SKIL: variants seen among roughly 807,000 people sequenced by gnomAD.
SKIL encodes SKI like proto-oncogene.
Under a neutral mutation model 69.6 loss-of-function variants are expected in SKIL, and 20 were observed. That is an observed-to-expected ratio of 0.29 (90% CI 0.20 to 0.42). The LOEUF (loss-of-function observed/expected upper bound fraction) is 0.42. Ranked by LOEUF, SKIL falls within the 10% of genes least tolerant of loss-of-function variation. The pLI is 1.00. For synonymous variants in SKIL, 310 were observed against 279.9 expected (o/e 1.11, Z -1.08); for missense variants, 745 against 783.1 (o/e 0.95, Z 0.58).
At chr3:170,378,541 C>T (rs573219665) in intron 2 of SKIL, among the ~76,000 whole-genome samples, 1 of 89,024 alleles carries the variant, frequency 1.1e-5, no homozygotes, top group African/African-American at 3.3e-5. Flanking sequence ...GAATTGGACT[C>T]TCTCTCTCTC....
intron 4 of SKIL, among the ~76,000 whole-genome samples, chr3:170,387,805 G>T (rs1386944502): frequency 8.0e-4 from 110 of 138,282 alleles, no homozygotes; most frequent in South Asian, 1.6e-3. Context: ...GTAGTGGCGG[G>T]CGCCTGTAGT....
chr3:170,392,427 A>G lies in SKIL; in HGVS notation c.*10A>G, dbSNP rs1322840403. ...GACTGCTAAAGAATAGAAACTGTTA[A>G]AGAGATTCATCTGTGTATTACTGAC... On this transcript the variant is annotated 3_prime_UTR_variant, in exon 7 of 7. Coordinates refer to ENST00000259119, the MANE Select transcript of SKIL (RefSeq NM_005414.5). 1 of 1,593,090 alleles carries G rather than the reference A, an allele frequency of 6.3e-7. No homozygotes were observed. The highest frequency in any genetic ancestry group is 8.6e-7 in the Non-Finnish European group (1 of 1,167,676).
intron 5 of SKIL, 40 bp from the exon 6 acceptor site, chr3:170,390,996 A>T (rs1261826165): frequency 1.8e-6 from 2 of 1,135,704 alleles, no homozygotes; most frequent in Admixed American, 4.4e-5. Context: ...AACATGGTGA[A>T]AATAAAGTAA....
intron 2 of SKIL, among the ~76,000 whole-genome samples, chr3:170,375,188 T>A (rs893640185): frequency 4.6e-5 from 7 of 152,356 alleles, no homozygotes; most frequent in African/African-American, 1.7e-4. Flanking sequence ...GGGACTATGC[T>A]AGGTGATCTT....
At chr3:170,366,629 C>CA (rs1736526553) in intron 2 of SKIL, among the ~76,000 whole-genome samples, 1 of 151,970 alleles carries the variant, frequency 6.6e-6, no homozygotes, top group African/African-American at 2.4e-5. Context: ...GCCGAGTTCA[C>CA]ACTGCCCTTC....
In SKIL at chr3:170,361,345, A is replaced by G; in HGVS notation, c.1014A>G (p.Thr338=). ...YLHVNQKYLG[T]PEEKKLKIIL... is the part of the protein sequence containing the mutation. ...ATGTGAACCAAAAATACTTAGGAAC[A>G]CCTGAAGAAAAGAAACTGAAGATAA... Residue 338 remains threonine, a synonymous_variant, in exon 2 of 7, where the codon ACA becomes ACG. Transcript: ENST00000259119. The G allele has an allele frequency of 6.2e-7, 1 of 1,611,204 alleles. No individual in the cohort carries two copies. Among genetic ancestry groups the G allele is most frequent in the Non-Finnish European group, 8.5e-7 (1 of 1,179,248 alleles).
intron 2 of SKIL, among the ~76,000 whole-genome samples, chr3:170,361,941 T>C (rs891182173): frequency 1.3e-5 from 2 of 152,146 alleles, no homozygotes; most frequent in East Asian, 3.8e-4. Flanking sequence ...CCACTACATC[T>C]GTTGTTTTTC....
intron 2 of SKIL, among the ~76,000 whole-genome samples, chr3:170,369,275 A>T (rs1736682891): frequency 6.9e-6 from 1 of 144,896 alleles, no homozygotes; most frequent in Non-Finnish European, 1.6e-5. Flanking sequence ...TAAAGAAGAA[A>T]AACAAAAAAG....
chr3:170,373,976 T>C (rs2108205086), intron 2 of SKIL, among the ~76,000 whole-genome samples: 1 of 152,346 alleles, frequency 6.6e-6, no homozygotes, highest in East Asian at 1.9e-4. Flanking sequence ...ATAGCTTTTG[T>C]ATTTAGAAAG....
chr3:170,363,344 A>G (rs1041216488), intron 2 of SKIL, among the ~76,000 whole-genome samples: 4 of 152,180 alleles, frequency 2.6e-5, no homozygotes, highest in Non-Finnish European at 5.9e-5. Flanking sequence ...GTAGTTTAAG[A>G]CATTGGTTAA....
chr3:170,385,359 TG>T, intron 4 of SKIL, among the ~76,000 whole-genome samples: 1 of 151,812 alleles, frequency 6.6e-6, no homozygotes, highest in Non-Finnish European at 1.5e-5. Flanking sequence ...CTCAAAGTGT[TG>T]GGATTACAGT....
In SKIL at chr3:170,394,386, T is replaced by C. The variant is rs1738090126; in HGVS notation, c.*1969T>C. 1 of 152,188 alleles carries C rather than the reference T, an allele frequency of 6.6e-6. No individual in the cohort carries two copies. Among genetic ancestry groups the C allele is most frequent in the African/African-American group, 2.4e-5 (1 of 41,462 alleles). The allele number at this position is 152,188 out of a possible 1,614,324, so 9.4% of individuals were successfully genotyped here. On this transcript the variant is annotated 3_prime_UTR_variant, in exon 7 of 7. Coordinates refer to ENST00000259119, the MANE Select transcript of SKIL (RefSeq NM_005414.5). The stretch of plus-strand genomic sequence containing the variant: ...AAATCAGATATTTATGATATAGTTT[T>C]ATTTTAATTTTGAATTATTTGTGTC...
chr3:170,384,729 G>A lies in SKIL; in HGVS notation c.1393G>A (p.Asp465Asn). ...DVSLEEQEKM[D>N]LKTSRELCSR... ...CTCACTTGAGGAACAGGAGAAAATG[G>A]ATTTAAAAACAAGTAGAGAATTATG... is the stretch of plus-strand genomic sequence containing the variant. Residue 465 changes from aspartate to asparagine, a missense_variant, in exon 4 of 7, where the codon GAT (aspartate) becomes AAT (asparagine). Physicochemically the swap from Asp to Asn is conservative, Grantham distance 23 (BLOSUM62 1). Transcript: ENST00000259119. 6.2e-7 allele frequency: 1 copy of A among 1,606,510 alleles called. No homozygotes were observed. The highest frequency in any genetic ancestry group is 8.5e-7 in the Non-Finnish European group (1 of 1,174,918).
chr3:170,393,703 T>C lies in SKIL; in HGVS notation c.*1286T>C, dbSNP rs1377312583. ...TTTTAAAGGGAGTTTCCTGAAACTA[T>C]CATTAATTGACATTATTACCCCATG... On this transcript the variant is annotated 3_prime_UTR_variant, in exon 7 of 7. Transcript: ENST00000259119. 6.6e-6 allele frequency: 1 copy of C among 152,142 alleles called. No homozygotes were observed. The highest frequency in any genetic ancestry group is 1.5e-5 in the Non-Finnish European group (1 of 67,992). The allele number at this position is 152,142 out of a possible 1,614,324, so 9.4% of individuals were successfully genotyped here. A position where few individuals can be genotyped will look rare whatever the true frequency, so the allele number is the denominator to read the frequency against.
At chr3:170,375,135 C>T (rs531784174) in intron 2 of SKIL, among the ~76,000 whole-genome samples, 1 of 152,306 alleles carries the variant, frequency 6.6e-6, no homozygotes, top group African/African-American at 2.4e-5. Context: ...GCTGCGTAGC[C>T]ACTTAACAGG....
Position 170,360,981 on chromosome 3 carries a change from C to T in SKIL, c.650C>T (p.Ser217Phe), listed in dbSNP as rs1441739257. The T allele has an allele frequency of 3.1e-6, 5 of 1,614,126 alleles. No homozygotes were observed. Among genetic ancestry groups the T allele is most frequent in the East Asian group, 2.2e-5 (1 of 44,886 alleles). ...GGCATACTTCCATTCAATGCCCCAT[C>T]CTGTGGGCTGATTACATTAACTGAT... is the stretch of plus-strand genomic sequence containing the variant. ...VLGILPFNAPSCGLITLTDAQ... is the reference protein window; with the variant it reads ...VLGILPFNAPFCGLITLTDAQ... Residue 217 changes from serine to phenylalanine, a missense_variant, in exon 2 of 7, where the codon TCC (serine) becomes TTC (phenylalanine). Transcript: ENST00000259119.
chr3:170,390,997 A>T (rs1461260719), intron 5 of SKIL, 39 bp from the exon 6 acceptor site: 1 of 1,145,010 alleles, frequency 8.7e-7, no homozygotes. Context: ...ACATGGTGAA[A>T]ATAAAGTAAA....
chr3:170,376,583 A>AT (rs997897440), intron 2 of SKIL, among the ~76,000 whole-genome samples: 1 of 151,818 alleles, frequency 6.6e-6, no homozygotes, highest in African/African-American at 2.4e-5. Context: ...AAGAGTTTTT[A>AT]TTTTTTTAAC....
At position 170,360,223 on chromosome 3, in the gene SKIL, A is replaced by G; in HGVS notation, c.-109A>G. Reference sequence around the variant, plus strand: ...GGGGCTCTCGCTTTGAAAGTTTGAGAGTAAGTTACGATAGGCATTTGTATC... The same window carrying G: ...GGGGCTCTCGCTTTGAAAGTTTGAGGGTAAGTTACGATAGGCATTTGTATC... On this transcript the variant is annotated 5_prime_UTR_variant, in exon 2 of 7. Transcript: ENST00000259119. 9.1e-7 allele frequency: 1 copy of G among 1,098,206 alleles called. No individual in the cohort carries two copies. The highest frequency in any genetic ancestry group is 1.3e-6 in the Non-Finnish European group (1 of 778,190). The allele number at this position is 1,098,206 out of a possible 1,614,324, so 68.0% of individuals were successfully genotyped here.
Sources: allele counts gnomAD v4.1 joint callset (sites outside exome capture counted in the v4.1 genomes callset), GRCh38; gene constraint gnomAD v4.1.1; transcripts MANE v1.5; gene names NCBI Gene and HGNC (gene_info 2026-07-23, HGNC 2026-07-21).